Variants in SYN2 observed in about 807,000 individuals in gnomAD.
SYN2 encodes synapsin-2.
Under a neutral mutation model 50.9 loss-of-function variants are expected in SYN2, and 19 were observed. The ratio of observed to expected loss-of-function variants is 0.37; its 90% CI spans 0.26 to 0.55. SYN2 has a LOEUF of 0.55. Ranked by LOEUF, SYN2 falls within the 20% of genes least tolerant of loss-of-function variation. SYN2 has a pLI of 0.81. For synonymous variants in SYN2, 255 were observed against 224.9 expected (o/e 1.13, Z -1.20); for missense variants, 587 against 576.4 (o/e 1.02, Z -0.19).
chr3:12,093,540 G>C (rs1695871622), intron 1 of SYN2, among the ~76,000 whole-genome samples: 1 of 152,018 alleles, frequency 6.6e-6, no homozygotes, highest in Admixed American at 6.5e-5. Flanking sequence ...AAGTACATTT[G>C]GTCTTAATAA....
chr3:12,135,268 A>G (rs1696873608), intron 1 of SYN2, among the ~76,000 whole-genome samples: 1 of 152,198 alleles, frequency 6.6e-6, no homozygotes, highest in South Asian at 2.1e-4. Context: ...ACAGGAAGGC[A>G]TGATTTTTAC....
At chr3:12,025,066 C>T (rs185060582) in intron 1 of SYN2, among the ~76,000 whole-genome samples, 3 of 152,162 alleles carry the variant, frequency 2.0e-5, no homozygotes, top group African/African-American at 4.8e-5. Context: ...TGAGGGCCCT[C>T]TTTCTGGCTT....
At chr3:12,083,746 T>G (rs1413471500) in intron 1 of SYN2, among the ~76,000 whole-genome samples, 1 of 152,190 alleles carries the variant, frequency 6.6e-6, no homozygotes, top group South Asian at 2.1e-4. Flanking sequence ...GTGAGAATGA[T>G]GGAGCCTAAC....
At chr3:12,157,251 C>T in intron 5 of SYN2, 5 of 797,404 alleles carry the variant, frequency 6.3e-6, no homozygotes, top group Non-Finnish European at 1.0e-5. Flanking sequence ...CAAATCTCAT[C>T]CAGTTCCACT....
chr3:12,021,844 G>C (rs307611), intron 1 of SYN2, among the ~76,000 whole-genome samples: 134,713 of 152,084 alleles, frequency 0.89, 59,945 homozygotes, highest in East Asian at 0.97. Flanking sequence ...GTGGGCAGAT[G>C]ACCCAAGCTC....
At position 12,159,079 on chromosome 3, in the gene SYN2, T is replaced by C. The variant is rs532576064; in HGVS notation, c.775-2467T>C. On this transcript the variant is annotated intron_variant, in intron 5 of 12. Coordinates refer to ENST00000621198, the MANE Select transcript of SYN2 (RefSeq NM_133625.6). The stretch of plus-strand genomic sequence containing the variant: ...CAGAGGGAAGCCTGGAAGGAGGCCC[T>C]GACCTCTGTTTCCCTGCCTAAGTCA... The C allele has an allele frequency of 7.1e-5, 37 of 520,540 alleles. 1 individual carries two copies. In the South Asian group the frequency reaches 1.2e-3, roughly 18 times the overall value. 32.2% of individuals were successfully genotyped at this position (520,540 alleles called of 1,614,324 possible). A position where few individuals can be genotyped will look rare whatever the true frequency, so the allele number is the denominator to read the frequency against.
chr3:12,148,941 G>A (rs1697216580), intron 4 of SYN2, among the ~76,000 whole-genome samples: 1 of 152,144 alleles, frequency 6.6e-6, no homozygotes, highest in Non-Finnish European at 1.5e-5. Flanking sequence ...CTTATCAGAT[G>A]TTACATTTGT....
At chr3:12,171,417 A>G (rs1208208437) in intron 10 of SYN2, among the ~76,000 whole-genome samples, 1 of 152,190 alleles carries the variant, frequency 6.6e-6, no homozygotes, top group African/African-American at 2.4e-5. Context: ...TCCCTGCTCT[A>G]GCAGAAGAGT....
intron 10 of SYN2, among the ~76,000 whole-genome samples, chr3:12,171,919 G>C (rs1422903292): frequency 1.3e-5 from 2 of 152,178 alleles, no homozygotes; most frequent in African/African-American, 2.4e-5. Context: ...TAAACATTAA[G>C]TGTTGTAGCT....
At chr3:12,069,287 C>G (rs2648346) in intron 1 of SYN2, among the ~76,000 whole-genome samples, 96,891 of 150,700 alleles carry the variant, frequency 0.64, 33,615 homozygotes, top group South Asian at 0.78. Flanking sequence ...CTTGCCCTGT[C>G]ACCCAGGCTG....
At chr3:12,032,062 T>C (rs1694393387) in intron 1 of SYN2, among the ~76,000 whole-genome samples, 1 of 122,156 alleles carries the variant, frequency 8.2e-6, no homozygotes, top group South Asian at 3.7e-4. Flanking sequence ...AGGAGCTCTT[T>C]TAGGGCAGGC....
At chr3:12,148,268 G>T (rs1045323480) in intron 4 of SYN2, among the ~76,000 whole-genome samples, 2 of 152,230 alleles carry the variant, frequency 1.3e-5, no homozygotes, top group African/African-American at 4.8e-5. Flanking sequence ...CACAATCTGA[G>T]CACATTGCCT....
intron 1 of SYN2, among the ~76,000 whole-genome samples, chr3:12,047,729 A>G (rs568621131): frequency 4.1e-4 from 62 of 152,310 alleles, no homozygotes; most frequent in African/African-American, 1.4e-3. Context: ...ACTTTAGTAT[A>G]TATTAACATT....
chr3:12,148,227 G>A (rs1697197684), intron 4 of SYN2, among the ~76,000 whole-genome samples: 1 of 152,204 alleles, frequency 6.6e-6, no homozygotes. Flanking sequence ...CGGGATCTGG[G>A]ATCTGGTGAG....
chr3:12,114,134 T>C (rs1292248645), intron 1 of SYN2, among the ~76,000 whole-genome samples: 1 of 151,968 alleles, frequency 6.6e-6, no homozygotes. Context: ...TTTTTTATTG[T>C]AGCTATACTA....
intron 5 of SYN2, among the ~76,000 whole-genome samples, chr3:12,155,492 A>C (rs1427757756): frequency 1.3e-5 from 2 of 152,196 alleles, no homozygotes; most frequent in Non-Finnish European, 2.9e-5. Flanking sequence ...TCCTGTGCAG[A>C]GGCAGGGAGA....
intron 1 of SYN2, among the ~76,000 whole-genome samples, chr3:12,104,516 A>G (rs902553193): frequency 6.6e-6 from 1 of 151,060 alleles, no homozygotes; most frequent in Non-Finnish European, 1.5e-5. Flanking sequence ...GTACCCAACA[A>G]TTAGAGAACA....
intron 1 of SYN2, among the ~76,000 whole-genome samples, chr3:12,130,061 G>A (rs111407855): frequency 3.9e-4 from 59 of 152,214 alleles, no homozygotes; most frequent in African/African-American, 1.4e-3. Context: ...GGACTTTCTA[G>A]CCTCCAGATC....
At chr3:12,154,366 T>A (rs1212196676) in intron 5 of SYN2, 1 of 1,614,086 alleles carries the variant, frequency 6.2e-7, no homozygotes, top group Non-Finnish European at 8.5e-7. Context: ...GATTCAGACT[T>A]TCCCTCTGCA....
Sources: gnomAD v4.1 joint callset for allele counts (sites outside exome capture counted in the v4.1 genomes callset) on GRCh38, gnomAD v4.1.1 for gene constraint, MANE v1.5 for transcripts, NCBI Gene and HGNC (gene_info 2026-07-23, HGNC 2026-07-21) for gene names.